The following PKHD1 variants were observed in gnomAD, a reference collection of about 807,000 sequenced individuals.
PKHD1 encodes the protein PKHD1 ciliary IPT domain containing fibrocystin/polyductin.
A neutral mutation model predicts 412.0 loss-of-function variants in PKHD1; 291 were observed. The ratio of observed to expected loss-of-function variants is 0.71; its 90% CI spans 0.64 to 0.78. The LOEUF is 0.78. Ranked by LOEUF, PKHD1 falls within the 30% of genes least tolerant of loss-of-function variation. The probability of loss-of-function intolerance (pLI) is 0.00; values close to 1 mark genes in which losing one functional copy is unlikely to be tolerated. For missense variants in PKHD1, 4,825 were observed against 4,950.7 expected, an observed-to-expected ratio of 0.97 and a Z score of 0.76; for synonymous variants, 1,777 against 1,821.5, an observed-to-expected ratio of 0.98 and a Z score of 0.62.
At chr6:51,699,643 C>T (rs1282062663) in intron 60 of PKHD1, among the ~76,000 whole-genome samples, 1 of 152,116 alleles carries the variant, frequency 6.6e-6, no homozygotes, top group Non-Finnish European at 1.5e-5. Flanking sequence ...TAAGTAACTG[C>T]CAAACTGTTT....
intron 50 of PKHD1, among the ~76,000 whole-genome samples, chr6:51,839,355 A>G (rs891545197): frequency 6.6e-6 from 1 of 152,228 alleles, no homozygotes; most frequent in African/African-American, 2.4e-5. Flanking sequence ...ATGGAGCCCC[A>G]TTGTAGTTGA....
chr6:51,920,317 T>C (rs1254363058), intron 37 of PKHD1, among the ~76,000 whole-genome samples: 2 of 152,220 alleles, frequency 1.3e-5, no homozygotes. Context: ...ACCTAGTTTA[T>C]TCAGAGTTTT....
intron 60 of PKHD1, among the ~76,000 whole-genome samples, chr6:51,673,504 G>A (rs547293356): frequency 1.5e-4 from 23 of 152,260 alleles, no homozygotes; most frequent in Admixed American, 1.0e-3. Flanking sequence ...AGCAATTGCC[G>A]GTTCTTTGCA....
At position 51,996,906 on chromosome 6, in the gene PKHD1, C is replaced by T. The variant is rs149420389; in HGVS notation, c.5751+13403G>A. ...TTCAAGACTTACCTTCCAGGCATCA[C>T]TGCTACCATATTTTTACCCAGGTAT... is the stretch of plus-strand genomic sequence containing the variant. On this transcript the variant is annotated intron_variant, in intron 35 of 66. Coordinates refer to ENST00000371117, the MANE Select transcript of PKHD1 (RefSeq NM_138694.4). 2.3e-4 allele frequency among the ~76,000 whole-genome samples: 35 copies of T among 152,342 alleles called. No individual in the cohort carries two copies. The East Asian group carries it at 6.6e-3, about 29-fold the overall frequency.
intron 43 of PKHD1, among the ~76,000 whole-genome samples, chr6:51,893,853 T>TA (rs1474786327): frequency 5.3e-5 from 8 of 152,132 alleles, no homozygotes; most frequent in African/African-American, 1.7e-4. Flanking sequence ...CAGAATTCCT[T>TA]ACAAAATTGA....
At chr6:51,776,013 AG>A (rs1790965923) in intron 53 of PKHD1, 92 bp from the exon 54 acceptor site, 1 of 710,862 alleles carries the variant, frequency 1.4e-6, no homozygotes, top group African/African-American at 1.7e-5. Context: ...AATGCAATGT[AG>A]ATACTGTGAA....
intron 60 of PKHD1, among the ~76,000 whole-genome samples, chr6:51,717,690 G>A (rs1183600527): frequency 2.0e-5 from 3 of 152,094 alleles, no homozygotes; most frequent in Non-Finnish European, 4.4e-5. Flanking sequence ...ATAATCTAAT[G>A]ACACACTCCT....
chr6:51,850,152 T>C (rs1461770580), intron 49 of PKHD1, among the ~76,000 whole-genome samples: 1 of 152,246 alleles, frequency 6.6e-6, no homozygotes, highest in Admixed American at 6.5e-5. Context: ...GAATAAGAGA[T>C]CCTTTCCCCA....
At chr6:51,828,604 T>C (rs988498159) in intron 52 of PKHD1, among the ~76,000 whole-genome samples, 37 of 152,190 alleles carry the variant, frequency 2.4e-4, no homozygotes, top group African/African-American at 8.9e-4. Flanking sequence ...TATTGAATTA[T>C]GGATGGGAGC....
chr6:51,736,644 G>T (rs1045107806), intron 60 of PKHD1, among the ~76,000 whole-genome samples: 3 of 152,116 alleles, frequency 2.0e-5, no homozygotes, highest in Non-Finnish European at 4.4e-5. Context: ...GCCTGTAATT[G>T]CTTGGGAAAA....
At chr6:52,054,745 C>A (rs1486753088) in intron 19 of PKHD1, among the ~76,000 whole-genome samples, 1 of 152,186 alleles carries the variant, frequency 6.6e-6, no homozygotes, top group Non-Finnish European at 1.5e-5. Context: ...CCACCAGATG[C>A]CAATAGCACT....
rs2128188451 is a variant in PKHD1 at position 52,046,121 on chromosome 6, T to C, written c.2475A>G (p.Thr825=). 6.2e-7 allele frequency: 1 copy of C among 1,613,594 alleles called. No individual in the cohort carries two copies. Among genetic ancestry groups the C allele is most frequent in the Non-Finnish European group, 8.5e-7 (1 of 1,179,500 alleles). ...QLLQNNADDF[T]SRYLNASDFT... is the part of the protein sequence containing the mutation. ...AGTCACTGGCATTGAGGTACCTGGA[T>C]GTGAAGTCATCGGCATTATTCTGTA... The change falls in exon 24 of 67, where the codon ACA becomes ACG. Residue 825 remains threonine (T), a synonymous_variant. Coordinates refer to ENST00000371117, the MANE Select transcript of PKHD1 (RefSeq NM_138694.4).
chr6:51,823,642 C>T (rs891287993), intron 52 of PKHD1, among the ~76,000 whole-genome samples: 1 of 152,090 alleles, frequency 6.6e-6, no homozygotes, highest in African/African-American at 2.4e-5. Context: ...AGAATCTCAA[C>T]CTATTTCAAT....
chr6:52,047,146 A>C (rs1237704383), intron 23 of PKHD1, among the ~76,000 whole-genome samples: 1 of 152,260 alleles, frequency 6.6e-6, no homozygotes, highest in Non-Finnish European at 1.5e-5. Flanking sequence ...TCTGAGGATC[A>C]TCAGTGATAG....
intron 52 of PKHD1, among the ~76,000 whole-genome samples, chr6:51,827,664 T>G (rs981204268): frequency 1.6e-4 from 25 of 152,148 alleles, no homozygotes; most frequent in African/African-American, 5.3e-4. Flanking sequence ...CTAAACACAT[T>G]CAGTATTTAT....
intron 27 of PKHD1, among the ~76,000 whole-genome samples, chr6:52,041,246 A>T (rs1470342115): frequency 6.6e-6 from 1 of 152,236 alleles, no homozygotes; most frequent in Non-Finnish European, 1.5e-5. Context: ...GATAGGCCCC[A>T]GCCTGGTTCT....
chr6:51,904,010 C>A lies in PKHD1; in HGVS notation c.6841G>T (p.Glu2281Ter). Residue 2281 changes from glutamate to a stop codon, truncating the protein, a stop_gained, in exon 42 of 67, where the codon GAG becomes TAG. Transcript: ENST00000371117. LOFTEE classifies it high-confidence loss of function. ...TCTEMRYISWEAIHGRKDDWS... is the reference protein window; with the variant it reads ...TCTEMRYISW ...CCATCTTTCCTTCCATGAATTGCCT[C>A]CCAGGAGATATATCTCATCTCCGTG... 1 of 1,594,040 alleles carries A rather than the reference C, an allele frequency of 6.3e-7. No individual in the cohort carries two copies. Among genetic ancestry groups the A allele is most frequent in the Non-Finnish European group, 8.6e-7 (1 of 1,162,098 alleles).
chr6:52,033,135 C>T lies in PKHD1; in HGVS notation c.3259G>A (p.Val1087Met), dbSNP rs372422063. The T allele has an allele frequency of 1.8e-5, 29 of 1,612,354 alleles. No individual in the cohort carries two copies. Among genetic ancestry groups the T allele is most frequent in the Middle Eastern group, 3.3e-4 (2 of 6,060 alleles). Residue 1087 changes from valine to methionine, a missense_variant, in exon 29 of 67, where the codon GTG becomes ATG. Val to Met is a conservative substitution (Grantham distance 21). Transcript: ENST00000371117. ...GKDGRIVNVT[V>M]IRGDYSAVLP... ...ACTGCAGAATAGTCCCCTCTGATCA[C>T]AGTCACATTCACAATGCGTCCATCT...
At chr6:52,032,907 T>G in intron 29 of PKHD1, 123 bp downstream of exon 29, 1 of 851,284 alleles carries the variant, frequency 1.2e-6, no homozygotes, top group Non-Finnish European at 2.0e-6. Context: ...AAAAAAGCAA[T>G]CTCCTAGCTT....
Sources: allele counts gnomAD v4.1 joint callset (sites outside exome capture counted in the v4.1 genomes callset), GRCh38; gene constraint gnomAD v4.1.1; transcripts MANE v1.5; gene names NCBI Gene and HGNC (gene_info 2026-07-23, HGNC 2026-07-21).